RSRC1: variants seen among roughly 807,000 people sequenced by gnomAD.
RSRC1 encodes the protein arginine and serine rich coiled-coil 1.
A neutral mutation model predicts 49.1 loss-of-function variants in RSRC1; 39 were observed. The ratio of observed to expected loss-of-function variants is 0.79; its 90% CI spans 0.61 to 1.04. The LOEUF is 1.04. Among genes scored for constraint, RSRC1 ranks in the 50% least tolerant of loss-of-function variants. RSRC1 has a pLI of 0.00. For synonymous variants in RSRC1, 143 were observed against 130.8 expected (o/e 1.09, Z -0.63); for missense variants, 388 against 402.4 (o/e 0.96, Z 0.31).
At chr3:158,428,610 AG>A (rs1194118754) in intron 6 of RSRC1, among the ~76,000 whole-genome samples, 2 of 151,900 alleles carry the variant, frequency 1.3e-5, no homozygotes, top group African/African-American at 4.8e-5. Flanking sequence ...GCACATATAA[AG>A]GGTATATAAT....
intron 6 of RSRC1, among the ~76,000 whole-genome samples, chr3:158,408,698 C>T (rs1578438595): frequency 2.6e-5 from 4 of 152,214 alleles, no homozygotes; most frequent in Admixed American, 2.6e-4. Flanking sequence ...AGCAAACTAA[C>T]ACAGGAACAG....
chr3:158,280,597 A>G (rs1397400309), intron 4 of RSRC1, among the ~76,000 whole-genome samples: 1 of 150,888 alleles, frequency 6.6e-6, no homozygotes, highest in Non-Finnish European at 1.5e-5. Context: ...CTATGGTGAA[A>G]AGGAATTGAA....
At chr3:158,339,572 C>G (rs1053826277) in intron 5 of RSRC1, among the ~76,000 whole-genome samples, 6 of 152,104 alleles carry the variant, frequency 3.9e-5, no homozygotes, top group African/African-American at 1.4e-4. Context: ...ACATCCAGCT[C>G]TTTGAGTTGG....
intron 7 of RSRC1, among the ~76,000 whole-genome samples, chr3:158,510,044 CCTAA>C (rs1355942133): frequency 1.3e-5 from 2 of 152,146 alleles, no homozygotes; most frequent in South Asian, 2.1e-4. Flanking sequence ...TCTTCACTCC[CCTAA>C]CTATTGCATA....
At chr3:158,298,553 A>G (rs1321391205) in intron 5 of RSRC1, among the ~76,000 whole-genome samples, 1 of 152,166 alleles carries the variant, frequency 6.6e-6, no homozygotes, top group African/African-American at 2.4e-5. Flanking sequence ...CAGATTTAGA[A>G]TATAAAATAA....
intron 6 of RSRC1, among the ~76,000 whole-genome samples, chr3:158,384,235 G>C (rs758222479): frequency 6.6e-6 from 1 of 152,088 alleles, no homozygotes; most frequent in Non-Finnish European, 1.5e-5. Flanking sequence ...CATCAGTAGG[G>C]TACGATCTAA....
At chr3:158,288,314 C>G (rs1011606847) in intron 4 of RSRC1, among the ~76,000 whole-genome samples, 1 of 152,144 alleles carries the variant, frequency 6.6e-6, no homozygotes, top group African/African-American at 2.4e-5. Flanking sequence ...TCTAACACAT[C>G]TGATCATTTT....
At chr3:158,110,476 T>C (rs999280505) in intron 1 of RSRC1, 1 of 152,516 alleles carries the variant, frequency 6.6e-6, no homozygotes, top group East Asian at 1.9e-4. Context: ...CTTGGCCTTC[T>C]GTCTTGAGGA....
At chr3:158,162,422 C>T (rs1452448462) in intron 3 of RSRC1, among the ~76,000 whole-genome samples, 1 of 151,812 alleles carries the variant, frequency 6.6e-6, no homozygotes, top group East Asian at 1.9e-4. Flanking sequence ...TTTTTTTGGT[C>T]ATTAGTATCT....
chr3:158,176,361 A>G (rs1719217338), intron 3 of RSRC1, among the ~76,000 whole-genome samples: 2 of 152,190 alleles, frequency 1.3e-5, no homozygotes, highest in Admixed American at 6.5e-5. Flanking sequence ...ATAAGCAAAA[A>G]GAATAAAGCT....
chr3:158,382,128 T>G (rs1265183521), intron 6 of RSRC1, among the ~76,000 whole-genome samples: 1 of 152,104 alleles, frequency 6.6e-6, no homozygotes, highest in African/African-American at 2.4e-5. Context: ...AACATGCACA[T>G]TAGCCTAAAC....
chr3:158,125,805 G>A (rs1451137058), intron 3 of RSRC1, among the ~76,000 whole-genome samples: 5 of 152,120 alleles, frequency 3.3e-5, no homozygotes, highest in African/African-American at 1.2e-4. Flanking sequence ...GTGGATTATT[G>A]AAATACCCTA....
At chr3:158,518,113 T>C (rs1421680099) in intron 7 of RSRC1, among the ~76,000 whole-genome samples, 1 of 85,124 alleles carries the variant, frequency 1.2e-5, no homozygotes, top group African/African-American at 6.6e-5. Context: ...TGTGTGTGTG[T>C]GTGTGTGTGT....
intron 5 of RSRC1, among the ~76,000 whole-genome samples, chr3:158,347,398 A>C (rs1254919886): frequency 6.6e-6 from 1 of 152,208 alleles, no homozygotes; most frequent in Admixed American, 6.5e-5. Flanking sequence ...TATTTCAACT[A>C]TACATTCTCT....
At chr3:158,359,969 A>C (rs1731379647) in intron 6 of RSRC1, among the ~76,000 whole-genome samples, 1 of 152,090 alleles carries the variant, frequency 6.6e-6, no homozygotes, top group African/African-American at 2.4e-5. Flanking sequence ...CTTAACAGAG[A>C]GTAGCTCCTC....
chr3:158,164,235 G>A (rs531791952), intron 3 of RSRC1, among the ~76,000 whole-genome samples: 11 of 152,060 alleles, frequency 7.2e-5, no homozygotes, highest in African/African-American at 1.4e-4. Context: ...ATGAGCAAAC[G>A]CAAATTACAG....
chr3:158,311,863 T>TAAAAAATA (rs1251284121), intron 5 of RSRC1, among the ~76,000 whole-genome samples: 2 of 152,028 alleles, frequency 1.3e-5, no homozygotes. Flanking sequence ...TAGACCTCAG[T>TAAAAAATA]AAACCAAAAA....
At chr3:158,239,553 A>ATC (rs1378172351) in intron 4 of RSRC1, among the ~76,000 whole-genome samples, 4 of 149,976 alleles carry the variant, frequency 2.7e-5, no homozygotes, top group Non-Finnish European at 5.9e-5. Flanking sequence ...AGTGGGGAAC[A>ATC]TCACACACCG....
At chr3:158,360,100 C>T (rs546164554) in intron 6 of RSRC1, among the ~76,000 whole-genome samples, 2 of 152,192 alleles carry the variant, frequency 1.3e-5, no homozygotes, top group African/African-American at 4.8e-5. Context: ...GAGTGGATGT[C>T]TTCCCTCTGC....
Sources: gnomAD v4.1 joint callset for allele counts (sites outside exome capture counted in the v4.1 genomes callset) on GRCh38, gnomAD v4.1.1 for gene constraint, MANE v1.5 for transcripts, NCBI Gene and HGNC (gene_info 2026-07-23, HGNC 2026-07-21) for gene names.